Variants in MYT1L observed in about 807,000 individuals in gnomAD.
The protein encoded by MYT1L is myelin transcription factor 1 like, also known as myelin transcription factor 1-like protein.
MYT1L carries 12 observed loss-of-function variants against 126.7 expected under a neutral mutation model. The observed-to-expected ratio is 0.09, with a 90% CI of 0.06 to 0.15. The LOEUF (loss-of-function observed/expected upper bound fraction) is 0.15, where lower values mean the gene tolerates loss of function less well. MYT1L is among the 10% of genes least tolerant of loss of function. The probability of loss-of-function intolerance (pLI) is 1.00; values close to 1 mark genes in which losing one functional copy is unlikely to be tolerated. For synonymous variants in MYT1L, 541 were observed against 604.2 expected, an observed-to-expected ratio of 0.90 and a Z score of 1.53; for missense variants, 979 against 1,585.2, an observed-to-expected ratio of 0.62 and a Z score of 6.49.
chr2:2,267,456 G>A (rs183087559), intron 2 of MYT1L, among the ~76,000 whole-genome samples: 41 of 152,306 alleles, frequency 2.7e-4, no homozygotes, highest in Admixed American at 2.0e-3. Context: ...GAAAATTGGA[G>A]GCTGTATAAG....
intron 5 of MYT1L, among the ~76,000 whole-genome samples, chr2:1,985,232 A>G (rs1434039414): frequency 6.6e-6 from 1 of 152,208 alleles, no homozygotes; most frequent in African/African-American, 2.4e-5. Flanking sequence ...TTTGCTTGTC[A>G]GCAGCATCAA....
chr2:2,186,441 C>T (rs2092209065), intron 2 of MYT1L, among the ~76,000 whole-genome samples: 1 of 152,218 alleles, frequency 6.6e-6, no homozygotes, highest in Non-Finnish European at 1.5e-5. Context: ...GTGCTCACCG[C>T]AAAAGAAATA....
chr2:2,049,479 A>G (rs770839448), intron 4 of MYT1L, among the ~76,000 whole-genome samples: 6 of 152,226 alleles, frequency 3.9e-5, no homozygotes, highest in Non-Finnish European at 8.8e-5. Context: ...CATCTGTGTC[A>G]TTTATTAACT....
intron 2 of MYT1L, among the ~76,000 whole-genome samples, chr2:2,199,030 A>C (rs2148810317): frequency 6.6e-6 from 1 of 152,326 alleles, no homozygotes; most frequent in East Asian, 1.9e-4. Context: ...CAAAGGAGTG[A>C]AAGGTCAATT....
intron 2 of MYT1L, among the ~76,000 whole-genome samples, chr2:2,216,045 C>CTG (rs924637964): frequency 2.0e-5 from 2 of 99,742 alleles, no homozygotes; most frequent in African/African-American, 6.9e-5. Context: ...GTCTGTCTGT[C>CTG]TCTCTCTCTC....
At chr2:2,311,176 T>A (rs755241800) in intron 1 of MYT1L, among the ~76,000 whole-genome samples, 4 of 152,166 alleles carry the variant, frequency 2.6e-5, no homozygotes, top group Non-Finnish European at 5.9e-5. Flanking sequence ...AACTTAAAGG[T>A]TTGATAACCA....
At chr2:2,051,121 A>C (rs1198594743) in intron 4 of MYT1L, among the ~76,000 whole-genome samples, 2 of 152,128 alleles carry the variant, frequency 1.3e-5, no homozygotes, top group Non-Finnish European at 2.9e-5. Flanking sequence ...TGGACCACAG[A>C]ACACAGACAG....
At chr2:2,001,237 C>CTTTTTTTTTTTT (rs11389323) in intron 4 of MYT1L, among the ~76,000 whole-genome samples, 1 of 103,910 alleles carries the variant, frequency 9.6e-6, no homozygotes, top group African/African-American at 3.8e-5. Context: ...TTGGTTTTAG[C>CTTTTTTTTTTTT]TTTTTTTTTT....
At chr2:2,265,677 T>G (rs189490932) in intron 2 of MYT1L, among the ~76,000 whole-genome samples, 7 of 152,216 alleles carry the variant, frequency 4.6e-5, no homozygotes, top group Non-Finnish European at 8.8e-5. Context: ...TTATTTAATC[T>G]TTTGGTAACA....
At chr2:1,840,704 G>A in intron 20 of MYT1L, 56 bp downstream of exon 20, 1 of 1,260,386 alleles carries the variant, frequency 7.9e-7, no homozygotes, top group Non-Finnish European at 1.1e-6. Context: ...TTGCTTGAAT[G>A]CCTCGTCCCC....
intron 3 of MYT1L, among the ~76,000 whole-genome samples, chr2:2,084,685 G>A (rs1200540738): frequency 6.6e-6 from 1 of 152,190 alleles, no homozygotes; most frequent in Non-Finnish European, 1.5e-5. Context: ...GAGACCCTAT[G>A]AGGGAGGATC....
At chr2:2,052,911 A>G (rs1424637745) in intron 4 of MYT1L, among the ~76,000 whole-genome samples, 1 of 152,186 alleles carries the variant, frequency 6.6e-6, no homozygotes, top group South Asian at 2.1e-4. Context: ...TATGATCTAC[A>G]TGATCCAGCA....
At chr2:2,184,139 T>C (rs1244076137) in intron 2 of MYT1L, among the ~76,000 whole-genome samples, 1 of 151,850 alleles carries the variant, frequency 6.6e-6, no homozygotes, top group Non-Finnish European at 1.5e-5. Flanking sequence ...ATAATGTAGG[T>C]CATGCTGAGG....
At chr2:1,907,194 G>T (rs1558352490) in intron 13 of MYT1L, among the ~76,000 whole-genome samples, 3 of 151,522 alleles carry the variant, frequency 2.0e-5, no homozygotes, top group Non-Finnish European at 4.4e-5. Context: ...AATGCTATGA[G>T]AATTCTGGAG....
chr2:1,812,119 C>A (rs946686955), intron 21 of MYT1L, among the ~76,000 whole-genome samples: 1 of 152,152 alleles, frequency 6.6e-6, no homozygotes, highest in African/African-American at 2.4e-5. Context: ...CTTTGGCCCC[C>A]GCATCCAGGT....
At chr2:2,073,373 G>T (rs867210930) in intron 3 of MYT1L, among the ~76,000 whole-genome samples, 12 of 151,794 alleles carry the variant, frequency 7.9e-5, no homozygotes, top group African/African-American at 2.2e-4. Context: ...ATCTCTTACT[G>T]TAAGAAGATT....
chr2:1,989,541 T>A lies in MYT1L; in HGVS notation c.-1+7650A>T, dbSNP rs147478623. On this transcript the variant is annotated intron_variant, in intron 5 of 24. Coordinates refer to ENST00000647738, the MANE Select transcript of MYT1L (RefSeq NM_001303052.2). ...ACAAATAACAAGGTTTGATTAAGGATCGCATGAAGGTTGGACACACCTTCT... is the reference window on the plus strand; with the variant it reads ...ACAAATAACAAGGTTTGATTAAGGAACGCATGAAGGTTGGACACACCTTCT... Among the ~76,000 whole-genome samples, 298 of 152,262 alleles carry A rather than the reference T, an allele frequency of 2.0e-3. 1 individual carries two copies. Among genetic ancestry groups the A allele is most frequent in the African/African-American group, 6.5e-3 (270 of 41,542 alleles).
chr2:2,294,956 CTT>C (rs1028303870), intron 1 of MYT1L, among the ~76,000 whole-genome samples: 1 of 148,950 alleles, frequency 6.7e-6, no homozygotes, highest in Admixed American at 6.7e-5. Context: ...AAGTGATGTT[CTT>C]TTTTTTTTAG....
intron 8 of MYT1L, among the ~76,000 whole-genome samples, chr2:1,946,389 A>G (rs542762035): frequency 1.1e-3 from 160 of 152,268 alleles, no homozygotes; most frequent in Middle Eastern, 3.4e-3. Flanking sequence ...AACCATGGAA[A>G]AGCTGTCTTC....
Sources: gnomAD v4.1 joint callset for allele counts (sites outside exome capture counted in the v4.1 genomes callset) on GRCh38, gnomAD v4.1.1 for gene constraint, MANE v1.5 for transcripts, NCBI Gene and HGNC (gene_info 2026-07-23, HGNC 2026-07-21) for gene names.